The following GALNTL6 variants were observed in gnomAD, a reference collection of about 807,000 sequenced individuals.
GALNTL6 encodes the protein polypeptide N-acetylgalactosaminyltransferase-like 6.
GALNTL6 carries 46 observed loss-of-function variants against 73.7 expected under a neutral mutation model. That is an observed-to-expected ratio of 0.62 (90% CI 0.49 to 0.80). The LOEUF is 0.80. GALNTL6 is among the 30% of genes least tolerant of loss of function. The pLI, the probability that GALNTL6 is intolerant of heterozygous loss-of-function variation, is 0.00. For synonymous variants in GALNTL6, 259 were observed against 263.7 expected (o/e 0.98, Z 0.17); for missense variants, 604 against 755.0 (o/e 0.80, Z 2.34).
intron 10 of GALNTL6, among the ~76,000 whole-genome samples, chr4:172,985,373 A>G (rs1751247288): frequency 6.6e-6 from 1 of 151,948 alleles, no homozygotes; most frequent in South Asian, 2.1e-4. Flanking sequence ...CCTCACATTC[A>G]TAATCAGACA....
intron 12 of GALNTL6, among the ~76,000 whole-genome samples, chr4:173,029,334 CAAATATTTG>C (rs1449797870): frequency 6.6e-6 from 1 of 152,122 alleles, no homozygotes; most frequent in Non-Finnish European, 1.5e-5. Context: ...AGACAGATCC[CAAATATTTG>C]AACAAATACC....
intron 5 of GALNTL6, among the ~76,000 whole-genome samples, chr4:172,428,644 A>G (rs1731314083): frequency 6.6e-6 from 1 of 152,156 alleles, no homozygotes; most frequent in Non-Finnish European, 1.5e-5. Context: ...CACTTAAGTC[A>G]TTTTATGTCC....
intron 4 of GALNTL6, among the ~76,000 whole-genome samples, chr4:172,319,866 C>T (rs767292643): frequency 6.6e-6 from 1 of 152,122 alleles, no homozygotes; most frequent in Non-Finnish European, 1.5e-5. Flanking sequence ...GAAGAAACAT[C>T]TATTCAAGGC....
chr4:172,891,120 C>T (rs981220730), intron 8 of GALNTL6, among the ~76,000 whole-genome samples: 1 of 129,812 alleles, frequency 7.7e-6, no homozygotes, highest in Non-Finnish European at 1.6e-5. Context: ...GAAGGTTGGG[C>T]CTTTTTTTTT....
intron 2 of GALNTL6, among the ~76,000 whole-genome samples, chr4:171,945,392 G>T (rs1282300109): frequency 6.6e-6 from 1 of 152,068 alleles, no homozygotes; most frequent in Admixed American, 6.6e-5. Flanking sequence ...CATAAGAGAA[G>T]ATTAATAGCT....
Position 172,754,302 on chromosome 4 carries a change from G to A in GALNTL6, c.554-55059G>A, listed in dbSNP as rs537630748. Among the ~76,000 whole-genome samples, 4 of 152,318 alleles carry A rather than the reference G, an allele frequency of 2.6e-5. No homozygotes were observed. In the East Asian group the frequency reaches 7.7e-4, roughly 29 times the overall value. On this transcript the variant is annotated intron_variant, in intron 5 of 12. Transcript: ENST00000506823. ...ACATAGATTTTGAGCCAGGCATGGT[G>A]GCTCACACCTGTAATCCTAGCACTT...
chr4:172,974,189 T>C (rs1478416565), intron 10 of GALNTL6, among the ~76,000 whole-genome samples: 1 of 152,190 alleles, frequency 6.6e-6, no homozygotes, highest in Non-Finnish European at 1.5e-5. Flanking sequence ...AGTGCCACAG[T>C]AACAAAAAAT....
At chr4:171,945,745 T>G (rs1162395242) in intron 2 of GALNTL6, among the ~76,000 whole-genome samples, 2 of 152,106 alleles carry the variant, frequency 1.3e-5, no homozygotes, top group African/African-American at 4.8e-5. Flanking sequence ...GAAGGTACAC[T>G]GCAAGCAAAA....
At chr4:172,166,039 C>T (rs1734613827) in intron 2 of GALNTL6, among the ~76,000 whole-genome samples, 1 of 152,178 alleles carries the variant, frequency 6.6e-6, no homozygotes, top group Non-Finnish European at 1.5e-5. Context: ...TAAACAGTCT[C>T]ATGTCATCAT....
At chr4:172,537,243 G>A (rs1561127419) in intron 5 of GALNTL6, among the ~76,000 whole-genome samples, 1 of 152,192 alleles carries the variant, frequency 6.6e-6, no homozygotes, top group Non-Finnish European at 1.5e-5. Flanking sequence ...GGCCAGGGTG[G>A]AATGATACAG....
chr4:172,523,247 T>G (rs1475226621), intron 5 of GALNTL6, among the ~76,000 whole-genome samples: 1 of 152,238 alleles, frequency 6.6e-6, no homozygotes, highest in East Asian at 1.9e-4. Flanking sequence ...TCCTTAAACC[T>G]GAGCAGACAC....
At chr4:172,440,097 C>G (rs996137879) in intron 5 of GALNTL6, among the ~76,000 whole-genome samples, 10 of 152,002 alleles carry the variant, frequency 6.6e-5, no homozygotes, top group African/African-American at 2.4e-4. Context: ...TTAGTGGTCT[C>G]TTTAAAAACT....
intron 5 of GALNTL6, among the ~76,000 whole-genome samples, chr4:172,559,050 G>T (rs983770317): frequency 1.6e-5 from 2 of 126,586 alleles, no homozygotes; most frequent in Non-Finnish European, 3.2e-5. Context: ...TGATGATAAT[G>T]ATAATGGATT....
chr4:172,252,140 A>T (rs1346833571), intron 3 of GALNTL6, among the ~76,000 whole-genome samples: 1 of 152,148 alleles, frequency 6.6e-6, no homozygotes, highest in Non-Finnish European at 1.5e-5. Flanking sequence ...AAGCAAATAT[A>T]AAAAGAAAGT....
intron 2 of GALNTL6, among the ~76,000 whole-genome samples, chr4:172,087,338 G>T (rs1184403993): frequency 4.6e-5 from 7 of 151,592 alleles, no homozygotes; most frequent in African/African-American, 1.5e-4. Flanking sequence ...CCAGCTACTC[G>T]GGAGGCTGAG....
intron 5 of GALNTL6, among the ~76,000 whole-genome samples, chr4:172,620,928 C>T (rs1560839703): frequency 6.6e-6 from 1 of 152,122 alleles, no homozygotes; most frequent in African/African-American, 2.4e-5. Flanking sequence ...TAACGCATTC[C>T]CTCTGTTTAG....
chr4:172,693,332 CTA>C (rs1485148592), intron 5 of GALNTL6, among the ~76,000 whole-genome samples: 1 of 152,098 alleles, frequency 6.6e-6, no homozygotes, highest in African/African-American at 2.4e-5. Flanking sequence ...TAATTTCTGC[CTA>C]TCTGGTCTTC....
intron 4 of GALNTL6, among the ~76,000 whole-genome samples, chr4:172,346,988 C>CTTTTTTTTTTTTTTT (rs34332250): frequency 3.1e-4 from 36 of 114,396 alleles, no homozygotes; most frequent in Non-Finnish European, 4.3e-4. Context: ...TGTTTTCTTT[C>CTTTTTTTTTTTTTTT]TTTTTTTTTT....
chr4:172,759,720 C>A (rs1408805182), intron 5 of GALNTL6, among the ~76,000 whole-genome samples: 3 of 150,344 alleles, frequency 2.0e-5, no homozygotes, highest in Non-Finnish European at 4.4e-5. Flanking sequence ...AGGGAAGTGA[C>A]TTTCTTAGGA....
Sources: gnomAD v4.1 joint callset for allele counts (sites outside exome capture counted in the v4.1 genomes callset) on GRCh38, gnomAD v4.1.1 for gene constraint, MANE v1.5 for transcripts, NCBI Gene and HGNC (gene_info 2026-07-23, HGNC 2026-07-21) for gene names.